KIAA1549L: variants seen among roughly 807,000 people sequenced by gnomAD.
KIAA1549L encodes the protein KIAA1549 like.
In KIAA1549L, 88 loss-of-function variants were observed where a neutral mutation model predicts 160.7. The observed-to-expected ratio is 0.55, with a 90% CI of 0.46 to 0.65. The LOEUF is 0.65. Among genes scored for constraint, KIAA1549L ranks in the 30% least tolerant of loss-of-function variants. The pLI is 0.00. For synonymous variants in KIAA1549L, 950 were observed against 976.7 expected (o/e 0.97, Z 0.51); for missense variants, 2,258 against 2,437.5 (o/e 0.93, Z 1.55).
intron 1 of KIAA1549L, among the ~76,000 whole-genome samples, chr11:33,445,792 T>C (rs1396542091): frequency 6.6e-6 from 1 of 152,194 alleles, no homozygotes; most frequent in African/African-American, 2.4e-5. Context: ...TAGGGAAGTG[T>C]CTGGCATAAA....
intron 11 of KIAA1549L, among the ~76,000 whole-genome samples, chr11:33,590,902 A>G (rs1350320042): frequency 1.3e-5 from 2 of 152,210 alleles, no homozygotes; most frequent in Non-Finnish European, 2.9e-5. Context: ...TAATGTATTA[A>G]TTGAGTTGTT....
intron 17 of KIAA1549L, among the ~76,000 whole-genome samples, chr11:33,654,185 G>A (rs1851983369): frequency 6.6e-6 from 1 of 151,450 alleles, no homozygotes; most frequent in Non-Finnish European, 1.5e-5. Context: ...TGTTAGCCAG[G>A]ATGGTTTCGA....
At chr11:33,432,875 A>C (rs1386641322) in intron 1 of KIAA1549L, among the ~76,000 whole-genome samples, 2 of 152,236 alleles carry the variant, frequency 1.3e-5, no homozygotes, top group African/African-American at 4.8e-5. Flanking sequence ...AAAACTGGTT[A>C]GCCATATGCA....
At chr11:33,382,618 ATTTGGTG>A (rs541193269) in intron 1 of KIAA1549L, among the ~76,000 whole-genome samples, 18 of 152,122 alleles carry the variant, frequency 1.2e-4, no homozygotes, top group Non-Finnish European at 2.5e-4. Flanking sequence ...AGAGTGTTTG[ATTTGGTG>A]TTTTTCCCCC....
intron 20 of KIAA1549L, among the ~76,000 whole-genome samples, chr11:33,667,523 G>T (rs1006998682): frequency 9.9e-5 from 15 of 151,896 alleles, no homozygotes; most frequent in Non-Finnish European, 1.6e-4. Context: ...CTCCCAAGTA[G>T]CTGGGACTAC....
chr11:33,522,379 T>C (rs1210889536), intron 1 of KIAA1549L, among the ~76,000 whole-genome samples: 1 of 152,248 alleles, frequency 6.6e-6, no homozygotes, highest in Non-Finnish European at 1.5e-5. Context: ...GAATTAATAA[T>C]AGTATTCGTT....
chr11:33,455,433 CA>C (rs1362997138), intron 1 of KIAA1549L, among the ~76,000 whole-genome samples: 1 of 152,072 alleles, frequency 6.6e-6, no homozygotes, highest in Non-Finnish European at 1.5e-5. Flanking sequence ...TTTAGAAAGT[CA>C]GGGGGAGACA....
intron 1 of KIAA1549L, among the ~76,000 whole-genome samples, chr11:33,464,473 CATGTGTGT>C (rs1442280639): frequency 2.2e-5 from 2 of 91,338 alleles, no homozygotes; most frequent in African/African-American, 4.5e-5. Context: ...GCTGTGTGTG[CATGTGTGT>C]GTGTGTGTGT....
At chr11:33,588,828 G>A (rs551676304) in intron 11 of KIAA1549L, among the ~76,000 whole-genome samples, 20 of 152,302 alleles carry the variant, frequency 1.3e-4, no homozygotes, top group African/African-American at 4.6e-4. Flanking sequence ...TCAGAGAAGA[G>A]AAGGGGGTGA....
At chr11:33,471,759 C>T (rs1161231214) in intron 1 of KIAA1549L, among the ~76,000 whole-genome samples, 1 of 152,196 alleles carries the variant, frequency 6.6e-6, no homozygotes, top group Admixed American at 6.5e-5. Flanking sequence ...TTAGCCCTAT[C>T]AGGGAATTTG....
At chr11:33,661,979 C>T (rs1232866533) in intron 20 of KIAA1549L, among the ~76,000 whole-genome samples, 1 of 143,368 alleles carries the variant, frequency 7.0e-6, no homozygotes, top group Non-Finnish European at 1.5e-5. Context: ...ATTTCCAAAA[C>T]ATTTAAAAAT....
intron 16 of KIAA1549L, among the ~76,000 whole-genome samples, chr11:33,630,230 T>C (rs1456128960): frequency 6.6e-6 from 1 of 152,182 alleles, no homozygotes; most frequent in Non-Finnish European, 1.5e-5. Context: ...CTGCTGTCTT[T>C]TTGTTTGTCT....
chr11:33,569,969 G>A (rs892774463), intron 9 of KIAA1549L, among the ~76,000 whole-genome samples: 3 of 151,598 alleles, frequency 2.0e-5, no homozygotes, highest in Non-Finnish European at 4.4e-5. Context: ...GCATGCCAAA[G>A]GGCCCAGAGA....
Position 33,543,089 on chromosome 11 carries a change from A to G in KIAA1549L, c.1526A>G (p.Gln509Arg). The G allele has an allele frequency of 6.2e-7, 1 of 1,613,870 alleles. No individual in the cohort carries two copies. The highest frequency in any genetic ancestry group is 1.1e-5 in the South Asian group (1 of 91,084). ...TTTCCCTCCATACTTACTTTCCTCC[A>G]GCCCACAGAGAATCATGCCTCCCCA... is the stretch of plus-strand genomic sequence containing the variant. ...ADFPSILTFL[Q>R]PTENHASPSP... Residue 509 changes from glutamine to arginine, a missense_variant, in exon 2 of 21, where the codon CAG becomes CGG. Physicochemically the swap from Gln to Arg is conservative, Grantham distance 43. This residue lies in a region of KIAA1549L where 540 missense variants were observed against 465.7 expected (regional missense o/e 1.16). Transcript: ENST00000658780.
intron 9 of KIAA1549L, 84 bp downstream of exon 9, chr11:33,568,311 G>A (rs1855125006): frequency 1.5e-6 from 2 of 1,311,190 alleles, no homozygotes; most frequent in South Asian, 1.6e-5. Context: ...ATAAGTCAGT[G>A]TGCTCAGAGG....
intron 1 of KIAA1549L, chr11:33,450,640 A>G (rs985913905): frequency 6.6e-6 from 1 of 152,200 alleles, no homozygotes; most frequent in East Asian, 1.9e-4. Flanking sequence ...GCTCAACTCC[A>G]ACACTGCAAA....
intron 1 of KIAA1549L, among the ~76,000 whole-genome samples, chr11:33,454,252 T>C (rs1420172604): frequency 6.6e-6 from 1 of 152,146 alleles, no homozygotes; most frequent in African/African-American, 2.4e-5. Context: ...TATTCCTACT[T>C]TACAAACATT....
chr11:33,600,310 C>T (rs2133307942), intron 13 of KIAA1549L, among the ~76,000 whole-genome samples: 1 of 152,302 alleles, frequency 6.6e-6, no homozygotes, highest in Middle Eastern at 3.4e-3. Flanking sequence ...CGAGTGAGCA[C>T]ACGGAGTCAG....
At chr11:33,478,321 C>A (rs1282482211) in intron 1 of KIAA1549L, among the ~76,000 whole-genome samples, 3 of 152,238 alleles carry the variant, frequency 2.0e-5, no homozygotes, top group Admixed American at 6.5e-5. Flanking sequence ...TTTGCAAGCC[C>A]CCCAGACGGG....
Sources: allele counts gnomAD v4.1 joint callset (sites outside exome capture counted in the v4.1 genomes callset), GRCh38; gene constraint gnomAD v4.1.1; regional missense constraint gnomAD v4.1.1; transcripts MANE v1.5; gene names NCBI Gene and HGNC (gene_info 2026-07-23, HGNC 2026-07-21).